The following DLGAP4 variants were observed in gnomAD, a reference collection of about 807,000 sequenced individuals.
DLGAP4 encodes the protein disks large-associated protein 4.
DLGAP4 carries 18 observed loss-of-function variants against 86.9 expected under a neutral mutation model. The ratio of observed to expected loss-of-function variants is 0.21; its 90% CI spans 0.14 to 0.31. The LOEUF is 0.31. Ranked by LOEUF, DLGAP4 falls within the 10% of genes least tolerant of loss-of-function variation. The probability of loss-of-function intolerance (pLI) is 1.00; values close to 1 mark genes in which losing one functional copy is unlikely to be tolerated. For missense variants in DLGAP4, 1,085 were observed against 1,362.6 expected (o/e 0.80, Z 3.21); for synonymous variants, 548 against 574.3 (o/e 0.95, Z 0.65).
At chr20:36,429,519 A>G (rs781202787) in intron 2 of DLGAP4, among the ~76,000 whole-genome samples, 7 of 143,802 alleles carry the variant, frequency 4.9e-5, no homozygotes, top group African/African-American at 7.8e-5. Flanking sequence ...ATTCTCCAGA[A>G]GCCTCAGCCT....
At chr20:36,493,413 C>G (rs2035750966) in intron 7 of DLGAP4, among the ~76,000 whole-genome samples, 1 of 152,316 alleles carries the variant, frequency 6.6e-6, no homozygotes. Context: ...TTGAGTTTGT[C>G]AGGGGCTGTG....
At chr20:36,455,051 G>A (rs552123445) in intron 7 of DLGAP4, among the ~76,000 whole-genome samples, 3 of 152,234 alleles carry the variant, frequency 2.0e-5, no homozygotes, top group Admixed American at 6.5e-5. Context: ...TCTAGGAGGG[G>A]GCTTGGGGGT....
chr20:36,384,828 G>T (rs189745538), intron 2 of DLGAP4, among the ~76,000 whole-genome samples: 38 of 152,292 alleles, frequency 2.5e-4, no homozygotes, highest in Non-Finnish European at 4.9e-4. Flanking sequence ...AGAAGAAAGT[G>T]CCCATTTACT....
At chr20:36,359,267 A>T (rs1158848656) in intron 1 of DLGAP4, among the ~76,000 whole-genome samples, 2 of 152,198 alleles carry the variant, frequency 1.3e-5, no homozygotes, top group African/African-American at 4.8e-5. Flanking sequence ...TTTCAGGCAC[A>T]TGCCACCACC....
chr20:36,505,582 C>A (rs1039110799), intron 10 of DLGAP4, among the ~76,000 whole-genome samples: 2 of 151,944 alleles, frequency 1.3e-5, no homozygotes, highest in African/African-American at 4.8e-5. Context: ...CAAGACCAGC[C>A]TGGTCAACAT....
chr20:36,374,632 C>T (rs1056672739), intron 2 of DLGAP4, among the ~76,000 whole-genome samples: 1 of 152,208 alleles, frequency 6.6e-6, no homozygotes, highest in Non-Finnish European at 1.5e-5. Context: ...GATCAAGGCC[C>T]CACATGGGGA....
chr20:36,326,000 G>C (rs2065212649), intron 1 of DLGAP4, among the ~76,000 whole-genome samples: 1 of 152,176 alleles, frequency 6.6e-6, no homozygotes. Context: ...TTACAGGCAT[G>C]AGTCACTGTG....
chr20:36,365,308 G>T (rs373765388), intron 1 of DLGAP4, among the ~76,000 whole-genome samples: 18 of 152,302 alleles, frequency 1.2e-4, no homozygotes, highest in Non-Finnish European at 2.1e-4. Context: ...GTGACAACTC[G>T]GTCAGGAACG....
intron 10 of DLGAP4, among the ~76,000 whole-genome samples, chr20:36,511,552 T>C (rs1295573598): frequency 6.6e-6 from 1 of 152,112 alleles, no homozygotes; most frequent in East Asian, 1.9e-4. Context: ...CTAGTAGTTT[T>C]TGTTGAGTTT....
At chr20:36,380,491 G>T (rs569972568) in intron 2 of DLGAP4, among the ~76,000 whole-genome samples, 1 of 152,176 alleles carries the variant, frequency 6.6e-6, no homozygotes, top group South Asian at 2.1e-4. Context: ...GGGAGGCTGA[G>T]GCAGAAGGAT....
intron 4 of DLGAP4, among the ~76,000 whole-genome samples, chr20:36,439,525 G>C (rs769947603): frequency 5.3e-5 from 8 of 152,174 alleles, no homozygotes; most frequent in Non-Finnish European, 1.0e-4. Context: ...CACCTCTGTC[G>C]GGCCTCTGGA....
chr20:36,497,371 G>C, intron 8 of DLGAP4: 1 of 1,235,716 alleles, frequency 8.1e-7, no homozygotes, highest in Middle Eastern at 3.3e-4. Context: ...TCCACTGTCT[G>C]TCTGTCCACT....
chr20:36,352,129 G>A (rs1486419067), intron 1 of DLGAP4, among the ~76,000 whole-genome samples: 1 of 152,216 alleles, frequency 6.6e-6, no homozygotes, highest in Non-Finnish European at 1.5e-5. Context: ...GAAACAGCAA[G>A]TGCAAAGGGC....
Position 36,497,017 on chromosome 20 carries a change from C to T in DLGAP4, c.1961C>T (p.Ser654Phe), listed in dbSNP as rs1332876681. ...CAAGGGACGCTGACCAGCTCTGAGTCCCACCCCGAGGCCGCCCCCAAAAGG... is the reference window on the plus strand; with the variant it reads ...CAAGGGACGCTGACCAGCTCTGAGTTCCACCCCGAGGCCGCCCCCAAAAGG... Reference protein sequence around the residue: ...SEQGTLTSSESHPEAAPKRKL... With the variant: ...SEQGTLTSSEFHPEAAPKRKL... The change falls in exon 8 of 13, where the codon TCC becomes TTC. Residue 654 changes from serine (S) to phenylalanine (F), a missense_variant. Physicochemically the swap from Ser to Phe is radical, Grantham distance 155. This residue lies in a region of DLGAP4 where 1,082 missense variants were observed against 1,344.1 expected (regional missense o/e 0.81). Transcript: ENST00000339266. 25 of 1,612,404 alleles carry T rather than the reference C, an allele frequency of 1.6e-5. No homozygotes were observed. The highest frequency in any genetic ancestry group is 2.1e-5 in the Non-Finnish European group (25 of 1,178,778).
intron 2 of DLGAP4, among the ~76,000 whole-genome samples, chr20:36,396,466 CA>C (rs2031982594): frequency 8.4e-6 from 1 of 118,720 alleles, no homozygotes; most frequent in Admixed American, 9.2e-5. Flanking sequence ...TGCACACACA[CA>C]CATACACATC....
intron 10 of DLGAP4, among the ~76,000 whole-genome samples, chr20:36,523,774 C>T (rs1470198773): frequency 1.3e-5 from 2 of 152,224 alleles, no homozygotes; most frequent in East Asian, 1.9e-4. Context: ...AATGATTCTC[C>T]TGCCTCAGCC....
intron 3 of DLGAP4, among the ~76,000 whole-genome samples, chr20:36,435,328 A>G (rs2033242823): frequency 6.6e-6 from 1 of 152,188 alleles, no homozygotes; most frequent in African/African-American, 2.4e-5. Flanking sequence ...CGAGGAATGT[A>G]GCCTGTGTGC....
chr20:36,381,213 T>G (rs1225406151), intron 2 of DLGAP4, among the ~76,000 whole-genome samples: 8 of 152,244 alleles, frequency 5.3e-5, no homozygotes, highest in Non-Finnish European at 8.8e-5. Flanking sequence ...TTTTGGGCAC[T>G]GAACACAGTA....
At position 36,350,988 on chromosome 20, in the gene DLGAP4, A is replaced by T. The variant is rs1312085516; in HGVS notation, c.-303-16057A>T. ...GGTTCAGAGGTATCTGTGGGCCCAG[A>T]CACATCTAAGCTTTAATCTCAACTC... On this transcript the variant is annotated intron_variant, in intron 1 of 12. Coordinates refer to ENST00000339266, the MANE Select transcript of DLGAP4 (RefSeq NM_001365621.2). The surrounding 1 kb of genome is among the most constrained non-coding windows in gnomAD (Gnocchi z 4.4). Among the ~76,000 whole-genome samples the T allele has an allele frequency of 6.6e-6, 1 of 152,254 alleles. No homozygotes were observed. The highest frequency in any genetic ancestry group is 1.5e-5 in the Non-Finnish European group (1 of 68,046).
Sources: gnomAD v4.1 joint callset for allele counts (sites outside exome capture counted in the v4.1 genomes callset) on GRCh38, gnomAD v4.1.1 for gene constraint, gnomAD v4.1.1 regional missense constraint, Gnocchi (gnomAD v3.1) non-coding constraint, MANE v1.5 for transcripts, NCBI Gene and HGNC (gene_info 2026-07-23, HGNC 2026-07-21) for gene names.